Variants in ABCA1 observed in about 807,000 individuals in gnomAD.
ABCA1 encodes the protein phospholipid-transporting ATPase ABCA1.
In ABCA1, 133 loss-of-function variants were observed where a neutral mutation model predicts 262.5. The ratio of observed to expected loss-of-function variants is 0.51; its 90% CI spans 0.44 to 0.59. The LOEUF (loss-of-function observed/expected upper bound fraction) is 0.59. Ranked by LOEUF, ABCA1 falls within the 20% of genes least tolerant of loss-of-function variation. The pLI, the probability that ABCA1 is intolerant of heterozygous loss-of-function variation, is 0.00. For synonymous variants in ABCA1, 1,022 were observed against 1,043.5 expected, an observed-to-expected ratio of 0.98 and a Z score of 0.40; for missense variants, 2,452 against 2,777.5, an observed-to-expected ratio of 0.88 and a Z score of 2.63.
At chr9:104,784,981 C>T (rs989304308) in intron 49 of ABCA1, among the ~76,000 whole-genome samples, 1 of 152,146 alleles carries the variant, frequency 6.6e-6, no homozygotes, top group African/African-American at 2.4e-5. Context: ...ACCCCTACAT[C>T]ACCAACTGCT....
intron 1 of ABCA1, among the ~76,000 whole-genome samples, chr9:104,905,602 C>T (rs546541259): frequency 6.6e-6 from 1 of 152,336 alleles, no homozygotes; most frequent in African/African-American, 2.4e-5. Flanking sequence ...AGCACTGCAT[C>T]AGTTTGTTCA....
Position 104,792,779 on chromosome 9 carries a change from C to G in ABCA1, c.5757+7G>C, listed in dbSNP as rs1394073572. On this transcript the variant is annotated splice_region_variant and intron_variant, in intron 42 of 49. Transcript: ENST00000374736. Reference sequence around the variant, plus strand: ...AAGATGAGCTATTGTAACCTGTACTCTCTCACCTTCGTCAACTCCTTGATT... The same window carrying G: ...AAGATGAGCTATTGTAACCTGTACTGTCTCACCTTCGTCAACTCCTTGATT... 1.9e-6 allele frequency: 3 copies of G among 1,613,986 alleles called. No individual in the cohort carries two copies. The highest frequency in any genetic ancestry group is 1.7e-5 in the Admixed American group (1 of 60,006).
intron 1 of ABCA1, among the ~76,000 whole-genome samples, chr9:104,907,521 T>C (rs906215440): frequency 2.6e-5 from 4 of 152,108 alleles, no homozygotes; most frequent in African/African-American, 7.2e-5. Flanking sequence ...ATAGGAGAAA[T>C]AGGGTGTCAG....
At chr9:104,786,775 T>G in intron 47 of ABCA1, 98 bp downstream of exon 47, 1 of 1,150,448 alleles carries the variant, frequency 8.7e-7, no homozygotes, top group Non-Finnish European at 1.3e-6. Context: ...TTTTACTCTT[T>G]GCTTTTCTGT....
At chr9:104,903,182 C>A (rs983689280) in intron 2 of ABCA1, among the ~76,000 whole-genome samples, 3 of 152,142 alleles carry the variant, frequency 2.0e-5, no homozygotes, top group African/African-American at 7.2e-5. Flanking sequence ...AGGAAAGAAT[C>A]CAGATTGACA....
chr9:104,926,966 C>T (rs1251529504), intron 1 of ABCA1, among the ~76,000 whole-genome samples: 2 of 151,938 alleles, frequency 1.3e-5, no homozygotes, highest in Admixed American at 1.3e-4. Flanking sequence ...AATCCCAGCA[C>T]TTGGGGAGGC....
In ABCA1 at chr9:104,806,423, G is replaced by T; in HGVS notation, c.4282C>A (p.Pro1428Thr). The T allele has an allele frequency of 6.2e-7, 1 of 1,614,142 alleles. No homozygotes were observed. Among genetic ancestry groups the T allele is most frequent in the Non-Finnish European group, 8.5e-7 (1 of 1,180,030 alleles). Residue 1428 changes from proline (P) to threonine (T), a missense_variant, in exon 31 of 50, where the codon CCC (proline) becomes ACC (threonine). By Grantham distance (38) the Pro-to-Thr change is conservative. Coordinates refer to ENST00000374736, the MANE Select transcript of ABCA1 (RefSeq NM_005502.4). ...CACTCTTCCTCCCCTGCCTGGCAGG[G>T]CGTGTCTCTGCAAAGGGAAGACAGC... The part of the protein sequence containing the change: ...CMEGNPIPDT[P>T]CQAGEEEWTT...
intron 2 of ABCA1, among the ~76,000 whole-genome samples, chr9:104,898,532 A>G (rs908401907): frequency 1.3e-5 from 2 of 151,310 alleles, no homozygotes; most frequent in Non-Finnish European, 2.9e-5. Context: ...GGGCGACAGA[A>G]CTAGACTCCG....
intron 43 of ABCA1, among the ~76,000 whole-genome samples, chr9:104,791,680 C>T (rs909507851): frequency 6.6e-6 from 1 of 152,326 alleles, no homozygotes; most frequent in Non-Finnish European, 1.5e-5. Flanking sequence ...CCACCTCGGC[C>T]TCCCAAAGTG....
chr9:104,900,680 A>G (rs1385642702), intron 2 of ABCA1, among the ~76,000 whole-genome samples: 1 of 152,220 alleles, frequency 6.6e-6, no homozygotes, highest in East Asian at 1.9e-4. Flanking sequence ...TAGGGCCACC[A>G]GGAGACTGGT....
At chr9:104,837,139 G>C in intron 10 of ABCA1, 43 bp from the exon 11 acceptor site, 1 of 1,499,930 alleles carries the variant, frequency 6.7e-7, no homozygotes, top group South Asian at 1.1e-5. Context: ...AAAAGGAGGA[G>C]AAGCACAGAC....
chr9:104,838,885 T>C (rs1334947071), intron 9 of ABCA1, among the ~76,000 whole-genome samples: 1 of 152,056 alleles, frequency 6.6e-6, no homozygotes, highest in African/African-American at 2.4e-5. Flanking sequence ...TGGGTCAACT[T>C]GCAAGCTGGG....
intron 8 of ABCA1, among the ~76,000 whole-genome samples, chr9:104,843,705 T>C (rs1834587195): frequency 6.6e-6 from 1 of 152,216 alleles, no homozygotes; most frequent in African/African-American, 2.4e-5. Context: ...AGACATTCAC[T>C]CCCTTTTTCT....
intron 7 of ABCA1, among the ~76,000 whole-genome samples, chr9:104,851,455 T>G (rs1269155687): frequency 6.6e-6 from 1 of 152,192 alleles, no homozygotes; most frequent in African/African-American, 2.4e-5. Context: ...ACTATCTCAA[T>G]CAGGTACAGT....
At chr9:104,860,539 A>G (rs1446286308) in intron 6 of ABCA1, among the ~76,000 whole-genome samples, 1 of 152,166 alleles carries the variant, frequency 6.6e-6, no homozygotes, top group Non-Finnish European at 1.5e-5. Context: ...AAGACAAGCT[A>G]GTATGCAGAC....
At chr9:104,897,415 TAA>T (rs1388081539) in intron 2 of ABCA1, among the ~76,000 whole-genome samples, 2 of 152,124 alleles carry the variant, frequency 1.3e-5, no homozygotes, top group Non-Finnish European at 2.9e-5. Flanking sequence ...ACAAAAATAA[TAA>T]AAGATTAAAT....
rs368706272 is a variant in ABCA1, at chr9:104,903,712, C to T, written c.-33G>A. ...CAGCCAGCACCCCCAGCGTGTGGCT[C>T]GGGAGCCCTGGAAGGCAGCGGCCAG... On this transcript the variant is annotated 5_prime_UTR_variant, in exon 2 of 50. Coordinates refer to ENST00000374736, the MANE Select transcript of ABCA1 (RefSeq NM_005502.4). The T allele has an allele frequency of 2.5e-5, 39 of 1,561,584 alleles. No individual in the cohort carries two copies. The highest frequency in any genetic ancestry group is 8.1e-5 in the African/African-American group (6 of 73,708).
At chr9:104,830,844 C>A in intron 14 of ABCA1, 81 bp downstream of exon 14, 1 of 1,472,788 alleles carries the variant, frequency 6.8e-7, no homozygotes, top group South Asian at 1.1e-5. Context: ...TTCACACATG[C>A]ATGCACATGC....
intron 7 of ABCA1, among the ~76,000 whole-genome samples, chr9:104,850,397 C>T (rs1167741077): frequency 2.0e-5 from 3 of 152,202 alleles, no homozygotes; most frequent in South Asian, 4.1e-4. Context: ...GCTGGGATTG[C>T]AGGCGTGAGC....
Sources: gnomAD v4.1 joint callset for allele counts (sites outside exome capture counted in the v4.1 genomes callset) on GRCh38, gnomAD v4.1.1 for gene constraint, MANE v1.5 for transcripts, NCBI Gene and HGNC (gene_info 2026-07-23, HGNC 2026-07-21) for gene names.